ANOS1: variants seen among roughly 807,000 people sequenced by gnomAD.
ANOS1 encodes the protein anosmin 1, also known as anosmin-1.
A neutral mutation model predicts 59.0 loss-of-function variants in ANOS1; 6 were observed. The ratio of observed to expected loss-of-function variants is 0.10; its 90% CI spans 0.06 to 0.20. The LOEUF (loss-of-function observed/expected upper bound fraction) is 0.20, where lower values mean the gene tolerates loss of function less well. Among genes scored for constraint, ANOS1 ranks in the 10% least tolerant of loss-of-function variants. ANOS1 has a pLI of 1.00. For missense variants in ANOS1, 433 were observed against 542.3 expected (o/e 0.80, Z 2.00); for synonymous variants, 217 against 223.4 (o/e 0.97, Z 0.25).
At chrX:8,554,561 T>G (rs1601951713) in intron 8 of ANOS1, among the ~76,000 whole-genome samples, 1 of 98,686 alleles carries the variant, frequency 1.0e-5, no homozygotes, top group African/African-American at 3.9e-5. Flanking sequence ...TTTTTTTTTT[T>G]TTTTTTTTTG....
At chrX:8,707,506 A>T (rs1262867170) in intron 1 of ANOS1, among the ~76,000 whole-genome samples, 1 of 109,412 alleles carries the variant, frequency 9.1e-6, no homozygotes, top group African/African-American at 3.3e-5. Context: ...TTATTTAATA[A>T]ATAAAAATAC....
At chrX:8,722,653 G>A (rs1273211783) in intron 1 of ANOS1, among the ~76,000 whole-genome samples, 2 of 111,498 alleles carry the variant, frequency 1.8e-5, no homozygotes, top group African/African-American at 6.5e-5. Context: ...GGGAATTTGG[G>A]CTGGTTCCAC....
At chrX:8,657,609 C>A (rs1050507632) in intron 2 of ANOS1, among the ~76,000 whole-genome samples, 1 of 109,578 alleles carries the variant, frequency 9.1e-6, no homozygotes, top group African/African-American at 3.3e-5. Context: ...GCTGGGATTA[C>A]AGGCACGTGC....
At chrX:8,541,674 G>A (rs1298145933) in intron 9 of ANOS1, among the ~76,000 whole-genome samples, 2 of 75,403 alleles carry the variant, frequency 2.7e-5, no homozygotes, top group African/African-American at 9.8e-5. Context: ...AGTCACCTGT[G>A]CCTATAAAGC....
At chrX:8,658,315 C>A (rs1181604249) in intron 2 of ANOS1, among the ~76,000 whole-genome samples, 5 of 111,940 alleles carry the variant, frequency 4.5e-5, no homozygotes, top group Non-Finnish European at 9.4e-5. Context: ...TTCCAATTAG[C>A]TAGCTCTTCC....
intron 2 of ANOS1, among the ~76,000 whole-genome samples, chrX:8,692,351 G>A (rs1932621274): frequency 9.0e-6 from 1 of 111,432 alleles, no homozygotes; most frequent in African/African-American, 3.3e-5. Context: ...TTTATGGGCT[G>A]CAAAGACAAA....
chrX:8,623,078 G>T (rs1271105505), intron 3 of ANOS1, among the ~76,000 whole-genome samples: 1 of 110,481 alleles, frequency 9.1e-6, no homozygotes, highest in Non-Finnish European at 1.9e-5. Flanking sequence ...ATGGCTTGCT[G>T]GCTGGCTGGC....
intron 1 of ANOS1, among the ~76,000 whole-genome samples, chrX:8,730,673 AAC>A (rs1370889164): frequency 2.0e-5 from 2 of 101,253 alleles, no homozygotes; most frequent in East Asian, 6.9e-4. Flanking sequence ...CAGCCAGGGG[AAC>A]CCCTCCCCCC....
chrX:8,564,279 T>G (rs1192497043), intron 8 of ANOS1, among the ~76,000 whole-genome samples: 3 of 111,775 alleles, frequency 2.7e-5, no homozygotes, highest in Non-Finnish European at 5.6e-5. Context: ...TCCATCAGAC[T>G]TAGAAATTAG....
intron 2 of ANOS1, among the ~76,000 whole-genome samples, chrX:8,689,774 A>C (rs932863291): frequency 1.9e-5 from 2 of 107,788 alleles, no homozygotes; most frequent in African/African-American, 3.4e-5. Flanking sequence ...TAAAAAAAAA[A>C]CAAAAAAAAA....
intron 2 of ANOS1, among the ~76,000 whole-genome samples, chrX:8,680,294 C>T (rs1250035360): frequency 9.2e-6 from 1 of 108,524 alleles, no homozygotes; most frequent in African/African-American, 3.4e-5. Context: ...TCATAGCTCT[C>T]AGTGGTAAAT....
At chrX:8,656,779 C>T (rs1931938360) in intron 2 of ANOS1, among the ~76,000 whole-genome samples, 1 of 110,986 alleles carries the variant, frequency 9.0e-6, no homozygotes, top group Non-Finnish European at 1.9e-5. Context: ...AGGCTCTTGG[C>T]GTTCACCCTC....
intron 2 of ANOS1, among the ~76,000 whole-genome samples, chrX:8,674,716 C>T (rs1173618249): frequency 8.9e-6 from 1 of 112,561 alleles, no homozygotes; most frequent in Non-Finnish European, 1.9e-5. Context: ...GACACGCTTG[C>T]TTTAAGATCT....
chrX:8,714,133 C>A (rs1776900910), intron 1 of ANOS1, among the ~76,000 whole-genome samples: 2 of 112,124 alleles, frequency 1.8e-5, no homozygotes, highest in Non-Finnish European at 3.8e-5. Context: ...CCTCTGCTGT[C>A]TTGGCCTCAT....
intron 1 of ANOS1, among the ~76,000 whole-genome samples, chrX:8,716,679 C>T (rs1203933132): frequency 9.0e-6 from 1 of 111,653 alleles, no homozygotes; most frequent in African/African-American, 3.3e-5. Context: ...TGTCTGTGCA[C>T]CCCAGTTCCC....
At chrX:8,549,597 T>C (rs779479002) in intron 9 of ANOS1, among the ~76,000 whole-genome samples, 46 of 112,439 alleles carry the variant, frequency 4.1e-4, no homozygotes, top group African/African-American at 1.5e-3. Flanking sequence ...AGAGGCTCTT[T>C]ACGTCTGTCC....
At chrX:8,566,408 GAC>G (rs1332722453) in intron 8 of ANOS1, among the ~76,000 whole-genome samples, 1 of 110,996 alleles carries the variant, frequency 9.0e-6, no homozygotes, top group Admixed American at 9.6e-5. Flanking sequence ...TATATTTGTA[GAC>G]ACATGTGTAT....
intron 9 of ANOS1, among the ~76,000 whole-genome samples, chrX:8,545,791 C>T (rs752380021): frequency 5.4e-5 from 6 of 112,147 alleles, no homozygotes; most frequent in Non-Finnish European, 9.4e-5. Context: ...TGCCCACCAT[C>T]ACTTTTAGGA....
intron 3 of ANOS1, among the ~76,000 whole-genome samples, chrX:8,623,068 A>ATGGCTTGC (rs1249374137): frequency 9.1e-6 from 1 of 109,558 alleles, no homozygotes; most frequent in Non-Finnish European, 1.9e-5. Flanking sequence ...GGATGGATGG[A>ATGGCTTGC]TGGCTTGCTG....
Sources: gnomAD v4.1 joint callset for allele counts (sites outside exome capture counted in the v4.1 genomes callset) on GRCh38, gnomAD v4.1.1 for gene constraint, MANE v1.5 for transcripts, NCBI Gene and HGNC (gene_info 2026-07-23, HGNC 2026-07-21) for gene names.